GFPT1: variants seen among roughly 807,000 people sequenced by gnomAD.
GFPT1 encodes glutamine--fructose-6-phosphate transaminase 1.
A neutral mutation model predicts 92.0 loss-of-function variants in GFPT1; 40 were observed. The ratio of observed to expected loss-of-function variants is 0.43; its 90% confidence interval spans 0.34 to 0.57. GFPT1 has a LOEUF of 0.57. Among genes scored for constraint, GFPT1 ranks in the 20% least tolerant of loss-of-function variants. The pLI is 0.02. For synonymous variants in GFPT1, 269 were observed against 280.6 expected, an observed-to-expected ratio of 0.96 and a Z score of 0.41; for missense variants, 448 against 869.1, an observed-to-expected ratio of 0.52 and a Z score of 6.09.
intron 11 of GFPT1, among the ~76,000 whole-genome samples, chr2:69,347,908 T>C (rs1275789610): frequency 6.6e-6 from 1 of 152,212 alleles, no homozygotes; most frequent in Non-Finnish European, 1.5e-5. Flanking sequence ...ATTTTTATGT[T>C]TATAAAGTAT....
rs1671412905 is a variant in GFPT1 at position 69,359,254 on chromosome 2, G to A, written c.408+14C>T. On this transcript the variant is annotated intron_variant, in intron 5 of 19. Coordinates refer to ENST00000357308, the MANE Select transcript of GFPT1 (RefSeq NM_001244710.2). ...TTCTCAAAGACTGGGGTCTTTTGAG[G>A]TCACCTTACTTACCAAAAACTTTTT... 6 of 1,445,708 alleles carry A rather than the reference G, an allele frequency of 4.2e-6. No individual in the cohort carries two copies. The highest frequency in any genetic ancestry group is 4.9e-6 in the Non-Finnish European group (5 of 1,027,022). The allele number at this position is 1,445,708 out of a possible 1,614,324, so 89.6% of individuals were successfully genotyped here.
chr2:69,371,336 C>T (rs1298761507), intron 2 of GFPT1: 2 of 151,396 alleles, frequency 1.3e-5, no homozygotes, highest in Non-Finnish European at 2.9e-5. Context: ...ACCTCAGCCT[C>T]CCAAAGTGCT....
chr2:69,358,369 G>C lies in GFPT1; in HGVS notation c.503C>G (p.Thr168Ser). The stretch of plus-strand genomic sequence containing the variant: ...TCTCTCCACCAAGGTAGTAAAGCTG[G>C]TATCTTGACTTTCCCGATTGTCATA... ...YMYDNRESQD[T>S]SFTTLVERVI... The change falls in exon 6 of 20, where the codon ACC becomes AGC. Residue 168 changes from threonine (T) to serine (S), a missense_variant. By Grantham distance (58) the Thr-to-Ser change is moderately conservative (BLOSUM62 1). Transcript: ENST00000357308. The C allele has an allele frequency of 6.2e-7, 1 of 1,611,520 alleles. No homozygotes were observed. The highest frequency in any genetic ancestry group is 1.3e-5 in the African/African-American group (1 of 74,908).
At chr2:69,346,124 C>T (rs1224956854) in intron 11 of GFPT1, 125 bp from the exon 12 acceptor site, 16 of 673,376 alleles carry the variant, frequency 2.4e-5, no homozygotes, top group Non-Finnish European at 4.3e-5. Flanking sequence ...ATGCAATAGA[C>T]ATGACTGCCT....
chr2:69,386,989 G>A (rs1672144074), intron 1 of GFPT1, 76 bp downstream of exon 1: 1 of 1,156,048 alleles, frequency 8.7e-7, no homozygotes. Flanking sequence ...TCCGCCCGTC[G>A]CCTTGGGCCT....
At chr2:69,353,974 C>A (rs755950720) in intron 9 of GFPT1, among the ~76,000 whole-genome samples, 18 of 152,178 alleles carry the variant, frequency 1.2e-4, no homozygotes, top group Non-Finnish European at 2.4e-4. Flanking sequence ...TCTAAGCATA[C>A]ATCCTACATG....
At chr2:69,332,317 T>TC (rs201345268) in intron 15 of GFPT1, among the ~76,000 whole-genome samples, 374 of 150,332 alleles carry the variant, frequency 2.5e-3, no homozygotes, top group Middle Eastern at 0.014. Flanking sequence ...TCTTTTCTTT[T>TC]TTTTTTTTTT....
chr2:69,334,537 T>C (rs1670747207), intron 15 of GFPT1: 1 of 152,160 alleles, frequency 6.6e-6, no homozygotes, highest in Non-Finnish European at 1.5e-5. Flanking sequence ...AAAAAAGATT[T>C]GCAGAAAGAA....
At chr2:69,368,091 A>G (rs1371159585) in intron 3 of GFPT1, among the ~76,000 whole-genome samples, 1 of 152,168 alleles carries the variant, frequency 6.6e-6, no homozygotes, top group Admixed American at 6.5e-5. Flanking sequence ...TCTACTAAAA[A>G]TACAAAAATT....
chr2:69,385,125 T>C (rs1270702592), intron 1 of GFPT1, among the ~76,000 whole-genome samples: 1 of 152,236 alleles, frequency 6.6e-6, no homozygotes, highest in Non-Finnish European at 1.5e-5. Flanking sequence ...CTCTATGGAA[T>C]GGAGACACAA....
intron 13 of GFPT1, among the ~76,000 whole-genome samples, chr2:69,339,465 C>G (rs1558739792): frequency 6.6e-6 from 1 of 152,160 alleles, no homozygotes; most frequent in Non-Finnish European, 1.5e-5. Context: ...CAGTAAATTT[C>G]CATTCTAATT....
At chr2:69,342,316 GTGAGTATCCAC>G in intron 12 of GFPT1, 67 bp from the exon 13 acceptor site, 1 of 931,342 alleles carries the variant, frequency 1.1e-6, no homozygotes, top group South Asian at 1.3e-5. Flanking sequence ...ATCGCATTTT[GTGAGTATCCAC>G]TGCCAATATG....
At chr2:69,360,046 G>A (rs562229243) in intron 4 of GFPT1, among the ~76,000 whole-genome samples, 19 of 152,124 alleles carry the variant, frequency 1.2e-4, no homozygotes, top group Admixed American at 1.1e-3. Flanking sequence ...CTACCAATCC[G>A]GCTGAGCACG....
Position 69,326,235 on chromosome 2 carries a change from T to G in GFPT1, c.2056-2A>C. On this transcript the variant is annotated splice_acceptor_variant, in intron 19 of 19. Transcript: ENST00000357308. LOFTEE classifies it high-confidence loss of function. ...GGCAAGATTCCGTGGGAAATCAACC[T>G]GCAAAAAGAAAAAAAAAAAAAGCAA... The G allele has an allele frequency of 6.5e-7, 1 of 1,533,744 alleles. No homozygotes were observed.
intron 3 of GFPT1, 62 bp downstream of exon 3, chr2:69,369,939 G>C: frequency 1.1e-6 from 1 of 934,064 alleles, no homozygotes; most frequent in African/African-American, 1.6e-5. Context: ...ACTTAGAGGA[G>C]AATGGGGAGG....
intron 19 of GFPT1, 104 bp downstream of exon 19, chr2:69,326,810 T>C (rs1164247066): frequency 4.6e-6 from 5 of 1,086,222 alleles, no homozygotes; most frequent in Non-Finnish European, 7.1e-6. Context: ...GATATATATT[T>C]GATAGATTTC....
chr2:69,357,417 A>G (rs1236514428), intron 6 of GFPT1, among the ~76,000 whole-genome samples: 3 of 152,218 alleles, frequency 2.0e-5, no homozygotes, highest in Non-Finnish European at 4.4e-5. Flanking sequence ...AAAGAGGAAC[A>G]TGAAGTAGGA....
intron 15 of GFPT1, chr2:69,334,620 A>C (rs536842345): frequency 6.6e-6 from 1 of 152,250 alleles, no homozygotes; most frequent in African/African-American, 2.4e-5. Flanking sequence ...ATAGTGGGTC[A>C]CTAGAACTCA....
intron 1 of GFPT1, among the ~76,000 whole-genome samples, chr2:69,384,688 C>A (rs1320142863): frequency 1.2e-5 from 1 of 81,156 alleles, no homozygotes; most frequent in African/African-American, 6.2e-5. Flanking sequence ...AGAGAGGCCC[C>A]GTCACAAAAA....
Sources: gnomAD v4.1 joint callset for allele counts (sites outside exome capture counted in the v4.1 genomes callset) on GRCh38, gnomAD v4.1.1 for gene constraint, MANE v1.5 for transcripts, NCBI Gene and HGNC (gene_info 2026-07-23, HGNC 2026-07-21) for gene names.